ZBTB16: variants seen among roughly 807,000 people sequenced by gnomAD.
The protein encoded by ZBTB16 is zinc finger and BTB domain-containing protein 16.
ZBTB16 carries 8 observed loss-of-function variants against 56.8 expected under a neutral mutation model. The observed-to-expected ratio is 0.14, with a 90% confidence interval of 0.08 to 0.25. ZBTB16 has a LOEUF of 0.25. ZBTB16 is among the 10% of genes least tolerant of loss of function. ZBTB16 has a pLI of 1.00. For synonymous variants in ZBTB16, 363 were observed against 368.5 expected (o/e 0.98, Z 0.17); for missense variants, 625 against 903.0 (o/e 0.69, Z 3.95).
At position 114,060,824 on chromosome 11, in the gene ZBTB16, G is replaced by A. The variant is rs1470562339; in HGVS notation, c.-91+942G>A. 2.0e-5 allele frequency among the ~76,000 whole-genome samples: 3 copies of A among 152,088 alleles called. No individual in the cohort carries two copies. Among genetic ancestry groups the A allele is most frequent in the African/African-American group, 4.8e-5 (2 of 41,436 alleles). Reference sequence around the variant, plus strand: ...CTGGCCGCTGGCGCCGCTGGCCAGAGGCCTGGGACCCAGCCGGTCGCTCCC... The same window carrying A: ...CTGGCCGCTGGCGCCGCTGGCCAGAAGCCTGGGACCCAGCCGGTCGCTCCC... On this transcript the variant is annotated intron_variant, in intron 1 of 6. Transcript: ENST00000335953. The surrounding 1 kb of genome is among the most constrained non-coding windows in gnomAD (Gnocchi z 6.0).
intron 2 of ZBTB16, among the ~76,000 whole-genome samples, chr11:114,125,967 C>T (rs550966896): frequency 1.3e-5 from 2 of 152,284 alleles, no homozygotes; most frequent in African/African-American, 4.8e-5. Flanking sequence ...TGGGTTTGCA[C>T]ACTCCAACTC....
intron 2 of ZBTB16, among the ~76,000 whole-genome samples, chr11:114,102,970 T>C (rs765121891): frequency 1.1e-4 from 17 of 152,212 alleles, no homozygotes; most frequent in Non-Finnish European, 2.2e-4. Flanking sequence ...TGGGTACCCT[T>C]CCAAACCATT....
chr11:114,144,660 C>T (rs1161610828), intron 2 of ZBTB16, among the ~76,000 whole-genome samples: 2 of 152,240 alleles, frequency 1.3e-5, no homozygotes, highest in African/African-American at 2.4e-5. Flanking sequence ...CAGCAGGTTC[C>T]AGCACCGTGG....
At chr11:114,164,674 G>A (rs1942693037) in intron 3 of ZBTB16, among the ~76,000 whole-genome samples, 1 of 152,198 alleles carries the variant, frequency 6.6e-6, no homozygotes, top group Non-Finnish European at 1.5e-5. Flanking sequence ...GCCTGGCCGT[G>A]CTTTCTCTTG....
chr11:114,080,093 C>T (rs1044999257), intron 2 of ZBTB16, among the ~76,000 whole-genome samples: 2 of 152,238 alleles, frequency 1.3e-5, no homozygotes, highest in African/African-American at 2.4e-5. Context: ...TGACCCCCTA[C>T]ACCCCGGGGA....
chr11:114,064,280 C>T lies in ZBTB16; in HGVS notation c.980C>T (p.Pro327Leu). ...CGACCTGAGCACCCAGCACCCCCGC[C>T]TGAGAAGCATCTGGGCATCTACTCC... Reference protein sequence around the residue: ...TGRPEHPAPPPEKHLGIYSVL... With the variant: ...TGRPEHPAPPLEKHLGIYSVL... The change falls in exon 2 of 7, where the codon CCT becomes CTT. Residue 327 changes from proline to leucine, a missense_variant. This residue lies in a region of ZBTB16 where 384 missense variants were observed against 393.5 expected (regional missense o/e 0.98). Coordinates refer to ENST00000335953, the MANE Select transcript of ZBTB16 (RefSeq NM_006006.6). The surrounding 1 kb of genome is among the most constrained non-coding windows in gnomAD (Gnocchi z 4.2). The T allele has an allele frequency of 1.2e-6, 2 of 1,614,124 alleles. No homozygotes were observed. The highest frequency in any genetic ancestry group is 1.7e-6 in the Non-Finnish European group (2 of 1,180,040).
At chr11:114,217,769 G>A (rs1046290815) in intron 4 of ZBTB16, among the ~76,000 whole-genome samples, 1 of 152,160 alleles carries the variant, frequency 6.6e-6, no homozygotes, top group African/African-American at 2.4e-5. Flanking sequence ...CACCATGGTG[G>A]GGATGAGAGT....
At chr11:114,222,302 G>A (rs1944245017) in intron 4 of ZBTB16, among the ~76,000 whole-genome samples, 2 of 152,116 alleles carry the variant, frequency 1.3e-5, no homozygotes, top group African/African-American at 4.8e-5. Flanking sequence ...TGGCCTCTTG[G>A]ACTAGCCTGA....
intron 4 of ZBTB16, among the ~76,000 whole-genome samples, chr11:114,205,948 T>G (rs913214423): frequency 6.6e-6 from 1 of 152,162 alleles, no homozygotes; most frequent in African/African-American, 2.4e-5. Context: ...CGGGATCCCC[T>G]GTCTCCAGAC....
chr11:114,066,186 G>C (rs1939109699), intron 2 of ZBTB16, among the ~76,000 whole-genome samples: 1 of 152,190 alleles, frequency 6.6e-6, no homozygotes, highest in Non-Finnish European at 1.5e-5. Flanking sequence ...GAGTGAGAGG[G>C]GTTGGGGTGG....
intron 2 of ZBTB16, among the ~76,000 whole-genome samples, chr11:114,084,403 A>G (rs780146321): frequency 1.4e-4 from 22 of 152,226 alleles, no homozygotes; most frequent in Non-Finnish European, 2.5e-4. Flanking sequence ...CTCTTCCCTC[A>G]GAGTGTCCAA....
intron 4 of ZBTB16, among the ~76,000 whole-genome samples, chr11:114,228,909 GC>G (rs1944383370): frequency 1.3e-5 from 2 of 152,168 alleles, no homozygotes; most frequent in Non-Finnish European, 2.9e-5. Context: ...CCTGGCGGGC[GC>G]CCTGGTGTCA....
chr11:114,233,775 C>T (rs184841316), intron 4 of ZBTB16, among the ~76,000 whole-genome samples: 48 of 152,214 alleles, frequency 3.2e-4, no homozygotes, highest in Admixed American at 2.0e-3. Flanking sequence ...ATGTCCAGGG[C>T]GCACCTTAAT....
chr11:114,068,075 A>AAT (rs1939190133), intron 2 of ZBTB16, among the ~76,000 whole-genome samples: 1 of 151,746 alleles, frequency 6.6e-6, no homozygotes, highest in Non-Finnish European at 1.5e-5. Flanking sequence ...AAAAAAAAAA[A>AAT]ATCAGAAGGG....
In ZBTB16 at chr11:114,063,561, A is replaced by G. The variant is rs772280955; in HGVS notation, c.261A>G (p.Ala87=). ...PKTFQQILEY[A]YTATLQAKAE... is the part of the protein sequence containing the mutation. ...CCTTCCAGCAGATTCTGGAGTATGC[A>G]TATACAGCCACGCTGCAAGCCAAGG... The change falls in exon 2 of 7, where the codon GCA becomes GCG. Residue 87 remains alanine, a synonymous_variant. Coordinates refer to ENST00000335953, the MANE Select transcript of ZBTB16 (RefSeq NM_006006.6). This position sits in a 1 kb window ranked among gnomAD's most constrained non-coding sequence, Gnocchi z 6.5. 4.0e-4 allele frequency: 640 copies of G among 1,614,112 alleles called. No individual in the cohort carries two copies. The highest frequency in any genetic ancestry group is 5.2e-4 in the Non-Finnish European group (618 of 1,180,054).
chr11:114,075,455 G>GTTT (rs10683723), intron 2 of ZBTB16, among the ~76,000 whole-genome samples: 34 of 151,092 alleles, frequency 2.3e-4, no homozygotes, highest in African/African-American at 6.9e-4. Context: ...AAAATTAAGG[G>GTTT]TTTTTTTTCT....
At chr11:114,230,713 C>T (rs563344293) in intron 4 of ZBTB16, among the ~76,000 whole-genome samples, 2 of 150,122 alleles carry the variant, frequency 1.3e-5, no homozygotes, top group South Asian at 4.2e-4. Flanking sequence ...TTTTGTTTTG[C>T]TTATTTATAT....
Position 114,063,925 on chromosome 11 carries a change from A to G in ZBTB16, c.625A>G (p.Ile209Val). 1 of 1,613,926 alleles carries G rather than the reference A, an allele frequency of 6.2e-7. No individual in the cohort carries two copies. Among genetic ancestry groups the G allele is most frequent in the Middle Eastern group, 1.6e-4 (1 of 6,062 alleles). ...GGCTGCAGTGGACAGTTTGATGACC[A>G]TAGGACAGTCTCTCCTGCAGGGAAC... The part of the protein sequence containing the change: ...TKAAVDSLMT[I>V]GQSLLQGTLQ... Residue 209 changes from isoleucine (I) to valine (V), a missense_variant, in exon 2 of 7, where the codon ATA becomes GTA. Physicochemically the swap from Ile to Val is conservative, Grantham distance 29. Coordinates refer to ENST00000335953, the MANE Select transcript of ZBTB16 (RefSeq NM_006006.6). This position sits in a 1 kb window ranked among gnomAD's most constrained non-coding sequence, Gnocchi z 6.5.
At chr11:114,243,799 C>T (rs998360539) in intron 5 of ZBTB16, among the ~76,000 whole-genome samples, 1 of 152,208 alleles carries the variant, frequency 6.6e-6, no homozygotes, top group Non-Finnish European at 1.5e-5. Flanking sequence ...CAGTTGGCTT[C>T]ATGTGACTTG....
Sources: gnomAD v4.1 joint callset for allele counts (sites outside exome capture counted in the v4.1 genomes callset) on GRCh38, gnomAD v4.1.1 for gene constraint, gnomAD v4.1.1 regional missense constraint, Gnocchi (gnomAD v3.1) non-coding constraint, MANE v1.5 for transcripts, NCBI Gene and HGNC (gene_info 2026-07-23, HGNC 2026-07-21) for gene names.